The following TUBB8B variants were observed in gnomAD, a reference collection of about 807,000 sequenced individuals.
TUBB8B encodes the protein tubulin beta 8B, also known as HSA18p11 beta-tubulin 4Q pseudogene.
Under a neutral mutation model 31.9 loss-of-function variants are expected in TUBB8B, and 26 were observed. That is an observed-to-expected ratio of 0.81 (90% CI 0.60 to 1.13). The LOEUF (loss-of-function observed/expected upper bound fraction) is 1.13. Ranked by LOEUF, TUBB8B falls within the 50% of genes most tolerant of loss-of-function variation. The pLI is 0.00. For missense variants in TUBB8B, 467 were observed against 586.7 expected, an observed-to-expected ratio of 0.80 and a Z score of 2.11; for synonymous variants, 173 against 231.0, an observed-to-expected ratio of 0.75 and a Z score of 2.28.
chr18:55,841 A>G, the TUBB8B span, among the ~76,000 whole-genome samples: 13 of 151,710 alleles, frequency 8.6e-5, no homozygotes, highest in Admixed American at 8.5e-4. Flanking sequence ...ACTTGCTGTA[A>G]TTCCATTTGT....
rs1905789707 is a variant in TUBB8B, at chr18:48,161, T to C, written c.564A>G (p.Ser188=). The C allele has an allele frequency of 4.3e-6, 7 of 1,613,902 alleles. No individual in the cohort carries two copies. Among genetic ancestry groups the C allele is most frequent in the Non-Finnish European group, 5.9e-6 (7 of 1,179,762 alleles). ...CCGCGTTTTCTATGAGCTGGTGGAC[T>C]GAGAGGGTGGCGTTGTAGGGCTCCA... ...TVVEPYNATL[S]VHQLIENADE... is the part of the protein sequence containing the mutation. The change falls in exon 4 of 4, where the codon TCA becomes TCG. Residue 188 remains serine, a synonymous_variant. Transcript: ENST00000308911.
the TUBB8B span, among the ~76,000 whole-genome samples, chr18:64,177 A>C: frequency 2.6e-5 from 4 of 152,174 alleles, no homozygotes; most frequent in Admixed American, 6.6e-5. Flanking sequence ...CCAACCCTAA[A>C]TCAAACTCTA....
At chr18:60,134 A>AT in the TUBB8B span, among the ~76,000 whole-genome samples, 393 of 151,768 alleles carry the variant, frequency 2.6e-3, 5 homozygotes, top group African/African-American at 9.2e-3. Context: ...TCCTACAGAC[A>AT]TTTTTTTATT....
chr18:56,622 G>C, the TUBB8B span, among the ~76,000 whole-genome samples: 1 of 151,650 alleles, frequency 6.6e-6, no homozygotes, highest in African/African-American at 2.4e-5. Flanking sequence ...GCAGTTTGTT[G>C]ACTGTTGGCA....
chr18:66,053 A>ACT, the TUBB8B span, among the ~76,000 whole-genome samples: 1 of 151,698 alleles, frequency 6.6e-6, no homozygotes, highest in African/African-American at 2.4e-5. Context: ...ACACAGGAAA[A>ACT]CTCTCTCTCT....
chr18:57,918 C>T, the TUBB8B span, among the ~76,000 whole-genome samples: 375 of 152,030 alleles, frequency 2.5e-3, no homozygotes, highest in African/African-American at 8.7e-3. Flanking sequence ...GGCTTGCACC[C>T]TCTGAAGCAG....
In TUBB8B at chr18:48,330, C is replaced by G; in HGVS notation, c.395G>C (p.Gly132Ala). ...ACCCAGGGAGTGGGTCAGCTGGAAA[C>G]CCTGCAGGCAGTCACAGCTCTCAGC... is the stretch of plus-strand genomic sequence containing the variant. ...KEAESCDCLQGFQLTHSLGGG... is the reference protein window; with the variant it reads ...KEAESCDCLQAFQLTHSLGGG... Residue 132 changes from glycine (G) to alanine (A), a missense_variant, in exon 4 of 4, where the codon GGT (glycine) becomes GCT (alanine). Gly to Ala is a moderately conservative substitution (Grantham distance 60, BLOSUM62 0). Coordinates refer to ENST00000308911, the MANE Select transcript of TUBB8B (RefSeq NM_001358689.2). The G allele has an allele frequency of 1.2e-6, 2 of 1,609,808 alleles. No individual in the cohort carries two copies. The highest frequency in any genetic ancestry group is 8.5e-7 in the Non-Finnish European group (1 of 1,176,446).
In TUBB8B at chr18:49,246, G is replaced by C. The variant is rs1463853011; in HGVS notation, c.58-9C>G. The stretch of plus-strand genomic sequence containing the variant: ...GAGATCACCTCCCAGAACTGCAAGA[G>C]ACGGGAGGGGCCAGACAGGCCGGGG... On this transcript the variant is annotated splice_polypyrimidine_tract_variant and intron_variant, in intron 1 of 3. Coordinates refer to ENST00000308911, the MANE Select transcript of TUBB8B (RefSeq NM_001358689.2). 2.0e-6 allele frequency: 3 copies of C among 1,532,206 alleles called. No homozygotes were observed. Among genetic ancestry groups the C allele is most frequent in the Non-Finnish European group, 2.6e-6 (3 of 1,142,856 alleles). The allele number at this position is 1,532,206 out of a possible 1,614,324, so 94.9% of individuals were successfully genotyped here.
At chr18:70,344 C>A in the TUBB8B span, among the ~76,000 whole-genome samples, 1 of 151,720 alleles carries the variant, frequency 6.6e-6, no homozygotes, top group Admixed American at 6.6e-5. Context: ...TAAAAAAGGA[C>A]CCCAGGGACA....
chr18:57,130 G>T, the TUBB8B span, among the ~76,000 whole-genome samples: 3 of 151,610 alleles, frequency 2.0e-5, no homozygotes, highest in African/African-American at 7.3e-5. Context: ...ATATCATTTT[G>T]CCCCTGGCCA....
At chr18:73,080 G>A in the TUBB8B span, among the ~76,000 whole-genome samples, 80 of 152,200 alleles carry the variant, frequency 5.3e-4, no homozygotes, top group African/African-American at 1.9e-3. Flanking sequence ...CGGCGTCTCC[G>A]CGTTCCTCCC....
upstream of TUBB8B, among the ~76,000 whole-genome samples, chr18:53,703 A>C (rs1174870324): frequency 6.6e-6 from 1 of 151,890 alleles, no homozygotes; most frequent in Non-Finnish European, 1.5e-5. Flanking sequence ...CCCTGACAAC[A>C]AGTGATCTGC....
chr18:60,868 C>T, the TUBB8B span, among the ~76,000 whole-genome samples: 7 of 151,676 alleles, frequency 4.6e-5, no homozygotes, highest in East Asian at 1.4e-3. Context: ...AGACTTGTTA[C>T]ATAATATATG....
At chr18:60,335 CTTTGA>C in the TUBB8B span, among the ~76,000 whole-genome samples, 1 of 151,540 alleles carries the variant, frequency 6.6e-6, no homozygotes, top group Non-Finnish European at 1.5e-5. Flanking sequence ...CCTTTTTCAC[CTTTGA>C]TTTTATTAAT....
chr18:49,868 T>C, upstream of TUBB8B: 1 of 541,106 alleles, frequency 1.8e-6, no homozygotes, highest in Admixed American at 2.2e-5. Context: ...GAGCTGAAAC[T>C]GAATTTTCCT....
chr18:63,767 ACCCTAG>A, the TUBB8B span, among the ~76,000 whole-genome samples: 1 of 141,874 alleles, frequency 7.0e-6, no homozygotes, highest in Non-Finnish European at 1.5e-5. Flanking sequence ...CCTAACCCTA[ACCCTAG>A]CCCTAGCCTT....
At chr18:70,592 G>A in the TUBB8B span, among the ~76,000 whole-genome samples, 15,152 of 113,912 alleles carry the variant, frequency 0.13, no homozygotes, top group African/African-American at 0.26. Context: ...CGGAGATCGC[G>A]CCACTACACC....
chr18:73,127 T>C, the TUBB8B span, among the ~76,000 whole-genome samples: 2 of 151,544 alleles, frequency 1.3e-5, no homozygotes, highest in Admixed American at 6.6e-5. Context: ...CGTACCAGGG[T>C]CTCTCCCCAG....
the TUBB8B span, among the ~76,000 whole-genome samples, chr18:63,430 C>G: frequency 6.6e-6 from 1 of 151,616 alleles, no homozygotes; most frequent in Non-Finnish European, 1.5e-5. Context: ...CCCTTTCTTT[C>G]TCTGAAACCA....
Sources: gnomAD v4.1 joint callset for allele counts (sites outside exome capture counted in the v4.1 genomes callset) on GRCh38, gnomAD v4.1.1 for gene constraint, MANE v1.5 for transcripts, NCBI Gene and HGNC (gene_info 2026-07-23, HGNC 2026-07-21) for gene names.